DUS2: variants seen among roughly 807,000 people sequenced by gnomAD.
The protein encoded by DUS2 is dihydrouridine synthase 2, also known as tRNA-dihydrouridine(20) synthase [NAD(P)+]-like.
Under a neutral mutation model 71.3 loss-of-function variants are expected in DUS2, and 52 were observed. The observed-to-expected ratio is 0.73, with a 90% CI of 0.58 to 0.92. The LOEUF (loss-of-function observed/expected upper bound fraction) is 0.92, where lower values mean the gene tolerates loss of function less well. DUS2 is among the 40% of genes least tolerant of loss of function. DUS2 has a pLI of 0.00. For missense variants in DUS2, 558 were observed against 622.6 expected, an observed-to-expected ratio of 0.90 and a Z score of 1.10; for synonymous variants, 204 against 227.8, an observed-to-expected ratio of 0.90 and a Z score of 0.94.
chr16:68,065,570 A>G (rs1567479854), intron 8 of DUS2, among the ~76,000 whole-genome samples: 1 of 151,992 alleles, frequency 6.6e-6, no homozygotes, highest in Non-Finnish European at 1.5e-5. Flanking sequence ...GGCAGAGGTT[A>G]CAGTGAGCCA....
chr16:68,053,755 C>T, intron 5 of DUS2, 100 bp downstream of exon 5: 1 of 1,192,850 alleles, frequency 8.4e-7, no homozygotes. Flanking sequence ...ACCTGGGGTA[C>T]ATTGTACAAC....
intron 3 of DUS2, among the ~76,000 whole-genome samples, chr16:68,042,381 G>A (rs984869399): frequency 6.6e-6 from 1 of 152,088 alleles, no homozygotes; most frequent in Non-Finnish European, 1.5e-5. Context: ...TTATATATCC[G>A]GAAGTGGGAT....
At chr16:68,057,910 A>G (rs865984124) in intron 7 of DUS2, among the ~76,000 whole-genome samples, 1 of 147,948 alleles carries the variant, frequency 6.8e-6, no homozygotes, top group Non-Finnish European at 1.5e-5. Flanking sequence ...AAGTGGATGC[A>G]GTGTAAATGT....
In DUS2 at chr16:68,023,295, T is replaced by C; in HGVS notation, c.-155T>C. On this transcript the variant is annotated 5_prime_UTR_variant, in exon 1 of 17. Transcript: ENST00000565263. ...GGCTGGCGAGGCTCAGTACGGTGTG[T>C]GGAGCTGGAGCACCGTGAGGAAGAA... 7.2e-7 allele frequency: 1 copy of C among 1,380,794 alleles called. No homozygotes were observed. The highest frequency in any genetic ancestry group is 1.5e-5 in the African/African-American group (1 of 68,548). 85.5% of individuals were successfully genotyped at this position (1,380,794 alleles called of 1,614,324 possible).
intron 6 of DUS2, among the ~76,000 whole-genome samples, chr16:68,055,608 TAA>T (rs1167994472): frequency 6.6e-6 from 1 of 152,066 alleles, no homozygotes; most frequent in Non-Finnish European, 1.5e-5. Context: ...TTCTCACCTA[TAA>T]AATAGTGCTA....
At chr16:68,052,153 G>A (rs1035056873) in intron 4 of DUS2, among the ~76,000 whole-genome samples, 7 of 151,660 alleles carry the variant, frequency 4.6e-5, no homozygotes, top group East Asian at 3.9e-4. Context: ...TAACCCACCC[G>A]CCTCGGCCTC....
intron 12 of DUS2, among the ~76,000 whole-genome samples, chr16:68,073,376 A>G (rs1341866499): frequency 4.6e-5 from 7 of 150,846 alleles, no homozygotes; most frequent in African/African-American, 9.8e-5. Flanking sequence ...GGTGCAAGCA[A>G]TCCTCTTGCC....
chr16:68,048,452 G>A (rs1271541714), intron 3 of DUS2, among the ~76,000 whole-genome samples: 1 of 152,178 alleles, frequency 6.6e-6, no homozygotes, highest in Non-Finnish European at 1.5e-5. Context: ...ATTCTTGGGG[G>A]TTGGATGTCA....
chr16:68,059,792 G>T (rs139122567), intron 7 of DUS2, among the ~76,000 whole-genome samples: 1 of 152,226 alleles, frequency 6.6e-6, no homozygotes, highest in African/African-American at 2.4e-5. Flanking sequence ...AATGGATTCA[G>T]ATTTTTAAAG....
At chr16:68,024,759 G>C (rs1317549779) in intron 1 of DUS2, among the ~76,000 whole-genome samples, 1 of 151,906 alleles carries the variant, frequency 6.6e-6, no homozygotes, top group Non-Finnish European at 1.5e-5. Flanking sequence ...ACAGTCATTG[G>C]ATAGGGTAGT....
In DUS2 at chr16:68,070,989, C is replaced by G; in HGVS notation, c.691C>G (p.Arg231Gly). 2 of 1,614,218 alleles carry G rather than the reference C, an allele frequency of 1.2e-6. No homozygotes were observed. The highest frequency in any genetic ancestry group is 2.2e-5 in the South Asian group (2 of 91,084). The change falls in exon 12 of 17, where the codon CGA (arginine) becomes GGA (glycine). Residue 231 changes from arginine to glycine, a missense_variant. Arg to Gly is a moderately radical substitution (Grantham distance 125). Transcript: ENST00000565263. ...ACAGTATTCGGACATAGAGGACTTT[C>G]GACAAGCCACGGCAGCCTCTTCCGT... Reference protein sequence around the residue: ...IQQYSDIEDFRQATAASSVMV... With the variant: ...IQQYSDIEDFGQATAASSVMV...
intron 2 of DUS2, among the ~76,000 whole-genome samples, chr16:68,037,290 A>G (rs2033545543): frequency 6.6e-6 from 1 of 152,020 alleles, no homozygotes; most frequent in East Asian, 1.9e-4. Flanking sequence ...ATGTTCAGGG[A>G]AAAGGAAAAC....
At chr16:68,076,575 C>G (rs2034159089) in intron 14 of DUS2, 57 bp from the exon 15 acceptor site, 1 of 1,364,370 alleles carries the variant, frequency 7.3e-7, no homozygotes, top group Admixed American at 1.7e-5. Flanking sequence ...AGTGCCCTGG[C>G]TGAGGGAGGG....
intron 2 of DUS2, among the ~76,000 whole-genome samples, chr16:68,028,111 G>A (rs556646330): frequency 1.3e-5 from 2 of 152,210 alleles, no homozygotes; most frequent in South Asian, 2.1e-4. Context: ...ATATCTTTGC[G>A]TTTGGAAAGA....
In DUS2 at chr16:68,023,345, C is replaced by T. The variant is rs939684432; in HGVS notation, c.-105C>T. On this transcript the variant is annotated 5_prime_UTR_variant, in exon 1 of 17. Coordinates refer to ENST00000565263, the MANE Select transcript of DUS2 (RefSeq NM_017803.5). ...AGCGAGGTTCTTTTTAAGAGTTCAGCTGCGAGGTCTGTAGCTCCGAATAGG... is the reference window on the plus strand; with the variant it reads ...AGCGAGGTTCTTTTTAAGAGTTCAGTTGCGAGGTCTGTAGCTCCGAATAGG... The T allele has an allele frequency of 1.2e-5, 12 of 1,020,330 alleles. No homozygotes were observed. Among genetic ancestry groups the T allele is most frequent in the African/African-American group, 1.2e-4 (7 of 60,334 alleles). The allele number at this position is 1,020,330 out of a possible 1,614,324, so 63.2% of individuals were successfully genotyped here. A position where few individuals can be genotyped will look rare whatever the true frequency, so the allele number is the denominator to read the frequency against.
At chr16:68,030,712 T>C (rs1473265529) in intron 2 of DUS2, among the ~76,000 whole-genome samples, 1 of 152,198 alleles carries the variant, frequency 6.6e-6, no homozygotes, top group Non-Finnish European at 1.5e-5. Flanking sequence ...GACAAAAGTT[T>C]ATCAGTAGAC....
intron 14 of DUS2, among the ~76,000 whole-genome samples, chr16:68,075,901 C>T (rs1399535383): frequency 6.6e-6 from 1 of 152,152 alleles, no homozygotes; most frequent in Non-Finnish European, 1.5e-5. Context: ...GTGCCCCTCA[C>T]CAGCTCTGTG....
chr16:68,030,308 C>T lies in DUS2; in HGVS notation c.-19+4814C>T, dbSNP rs114036452. Among the ~76,000 whole-genome samples the T allele has an allele frequency of 8.1e-3, 1,234 of 151,766 alleles. 12 individuals are homozygous for T. Among genetic ancestry groups the T allele is most frequent in the Non-Finnish European group, 9.8e-3 (663 of 67,908 alleles). ...TCCAAGGATTTTCTAAAAACCCCAC[C>T]GGAGGCCAGGAGTGGTGACTCACAT... is the stretch of plus-strand genomic sequence containing the variant. On this transcript the variant is annotated intron_variant, in intron 2 of 16. Transcript: ENST00000565263.
intron 2 of DUS2, among the ~76,000 whole-genome samples, chr16:68,032,285 G>C (rs1254980906): frequency 1.3e-5 from 2 of 152,182 alleles, no homozygotes. Flanking sequence ...TAAGTATTCA[G>C]TCACACCTTA....
Sources: gnomAD v4.1 joint callset for allele counts (sites outside exome capture counted in the v4.1 genomes callset) on GRCh38, gnomAD v4.1.1 for gene constraint, MANE v1.5 for transcripts, NCBI Gene and HGNC (gene_info 2026-07-23, HGNC 2026-07-21) for gene names.